The following DCAF17 variants were observed in gnomAD, a reference collection of about 807,000 sequenced individuals.
DCAF17 encodes the protein DDB1 and CUL4 associated factor 17, also known as DDB1- and CUL4-associated factor 17.
In DCAF17, 48 loss-of-function variants were observed where a neutral mutation model predicts 66.0. The observed-to-expected ratio is 0.73, with a 90% CI of 0.58 to 0.92. DCAF17 has a LOEUF of 0.92. DCAF17 is among the 40% of genes least tolerant of loss of function. DCAF17 has a pLI of 0.00. For synonymous variants in DCAF17, 206 were observed against 214.6 expected, an observed-to-expected ratio of 0.96 and a Z score of 0.35; for missense variants, 562 against 622.8, an observed-to-expected ratio of 0.90 and a Z score of 1.04.
chr2:171,445,937 C>T (rs1574333254), intron 3 of DCAF17, among the ~76,000 whole-genome samples: 1 of 151,938 alleles, frequency 6.6e-6, no homozygotes, highest in Non-Finnish European at 1.5e-5. Context: ...CCCGCCTTGG[C>T]CTCCCAAAGT....
intron 6 of DCAF17, among the ~76,000 whole-genome samples, chr2:171,457,208 C>G (rs995426164): frequency 2.6e-5 from 4 of 152,194 alleles, no homozygotes; most frequent in Admixed American, 6.5e-5. Context: ...TAATTGTTCT[C>G]TCTGTGCCTG....
intron 12 of DCAF17, among the ~76,000 whole-genome samples, chr2:171,479,469 T>A (rs999056141): frequency 6.6e-6 from 1 of 152,252 alleles, no homozygotes; most frequent in African/African-American, 2.4e-5. Flanking sequence ...GGGTTGGATT[T>A]CATTTCCTAA....
At chr2:171,448,177 G>T (rs138703610) in intron 3 of DCAF17, among the ~76,000 whole-genome samples, 2,636 of 152,190 alleles carry the variant, frequency 0.017, 36 homozygotes, top group Non-Finnish European at 0.028. Context: ...TGTCACCCAG[G>T]CTGGAGTGCA....
chr2:171,447,364 CTTTCTTTT>C (rs1479551198), intron 3 of DCAF17: 49 of 362,612 alleles, frequency 1.4e-4, no homozygotes, highest in African/African-American at 9.7e-4. Context: ...TACTTTCTTT[CTTTCTTTT>C]TTTCTTTTTT....
chr2:171,469,429 A>G (rs980706165), intron 9 of DCAF17, among the ~76,000 whole-genome samples: 19 of 152,214 alleles, frequency 1.2e-4, no homozygotes, highest in Non-Finnish European at 2.9e-5. Context: ...GAGCAGAACC[A>G]GATGGAACTC....
chr2:171,452,368 A>G (rs1559267950), intron 5 of DCAF17, among the ~76,000 whole-genome samples: 1 of 152,072 alleles, frequency 6.6e-6, no homozygotes, highest in African/African-American at 2.4e-5. Context: ...TAAGGAGGCT[A>G]TCCTTTTCAA....
chr2:171,448,921 AC>A, intron 4 of DCAF17, 104 bp downstream of exon 4: 1 of 1,024,770 alleles, frequency 9.8e-7, no homozygotes, highest in Non-Finnish European at 1.5e-6. Context: ...CTAATCCATT[AC>A]CAGATCTCAA....
chr2:171,484,681 C>A lies in DCAF17; in HGVS notation c.*3567C>A, dbSNP rs936359696. The A allele has an allele frequency of 2.2e-6, 1 of 453,806 alleles. No homozygotes were observed. The highest frequency in any genetic ancestry group is 1.6e-5 in the South Asian group (1 of 64,456). 28.1% of individuals were successfully genotyped at this position (453,806 alleles called of 1,614,324 possible). ...ACATATACACCTGTGTAACCCAAAC[C>A]CTTTCCAAAATTTAGACCATTGCAA... On this transcript the variant is annotated 3_prime_UTR_variant, in exon 14 of 14. Transcript: ENST00000375255.
Position 171,434,290 on chromosome 2 carries a change from C to T in DCAF17, c.-288C>T, listed in dbSNP as rs560219922. 103 of 583,240 alleles carry T rather than the reference C, an allele frequency of 1.8e-4. No individual in the cohort carries two copies. The highest frequency in any genetic ancestry group is 1.6e-3 in the African/African-American group (88 of 53,888). 36.1% of individuals were successfully genotyped at this position (583,240 alleles called of 1,614,324 possible). ...TTCCCGGTGAGAGAGCGGCTCCGGC[C>T]GGCCGCGCGGTACCGGAGCGTCGCA... On this transcript the variant is annotated 5_prime_UTR_variant, in exon 1 of 14. Coordinates refer to ENST00000375255, the MANE Select transcript of DCAF17 (RefSeq NM_025000.4).
At chr2:171,441,009 C>T (rs1157761363) in intron 2 of DCAF17, among the ~76,000 whole-genome samples, 1 of 152,174 alleles carries the variant, frequency 6.6e-6, no homozygotes, top group Non-Finnish European at 1.5e-5. Flanking sequence ...GTTCTAACCC[C>T]AAGAGGGCTC....
intron 13 of DCAF17, among the ~76,000 whole-genome samples, chr2:171,480,728 G>A (rs896821961): frequency 6.6e-6 from 1 of 152,086 alleles, no homozygotes; most frequent in Non-Finnish European, 1.5e-5. Flanking sequence ...AGCAGCGTTG[G>A]CAATAGAATC....
chr2:171,455,432 G>A (rs1487388195), intron 6 of DCAF17, among the ~76,000 whole-genome samples: 3 of 152,340 alleles, frequency 2.0e-5, no homozygotes, highest in African/African-American at 7.2e-5. Context: ...TTGGTTCCAT[G>A]TCTTTGCTCT....
intron 12 of DCAF17, among the ~76,000 whole-genome samples, chr2:171,479,056 A>G (rs1696626203): frequency 6.6e-6 from 1 of 152,258 alleles, no homozygotes; most frequent in Non-Finnish European, 1.5e-5. Flanking sequence ...CACAGACACC[A>G]AGGCAAGAAG....
chr2:171,477,856 T>A (rs1337232515), intron 11 of DCAF17, 131 bp from the exon 12 acceptor site: 2 of 744,334 alleles, frequency 2.7e-6, no homozygotes, highest in Non-Finnish European at 4.8e-6. Flanking sequence ...TTCAGAATTT[T>A]CTCAGTTGAG....
intron 10 of DCAF17, among the ~76,000 whole-genome samples, chr2:171,475,785 G>A (rs1158081972): frequency 6.6e-6 from 1 of 152,064 alleles, no homozygotes; most frequent in East Asian, 1.9e-4. Flanking sequence ...AAATAACAAA[G>A]GGAAGTGTCT....
chr2:171,443,661 G>C (rs369859810), intron 3 of DCAF17, 48 bp downstream of exon 3: 15 of 1,483,602 alleles, frequency 1.0e-5, no homozygotes, highest in Non-Finnish European at 1.4e-5. Context: ...TTTTAGCCTA[G>C]AAGAACCAGT....
Position 171,477,863 on chromosome 2 carries a change from T to C in DCAF17, c.1183-124T>C. 6.5e-6 allele frequency: 5 copies of C among 771,364 alleles called. No individual in the cohort carries two copies. The South Asian group carries it at 7.4e-5, about 11-fold the overall frequency. 47.8% of individuals were successfully genotyped at this position (771,364 alleles called of 1,614,324 possible). The stretch of plus-strand genomic sequence containing the variant: ...AAATCTGATTCAGAATTTTCTCAGT[T>C]GAGGAAAGAATTGTGGATGTGGGAG... On this transcript the variant is annotated intron_variant, in intron 11 of 13. Transcript: ENST00000375255.
intron 8 of DCAF17, among the ~76,000 whole-genome samples, chr2:171,463,834 G>A (rs546204414): frequency 6.6e-6 from 1 of 152,284 alleles, no homozygotes; most frequent in African/African-American, 2.4e-5. Context: ...TAACTCATCA[G>A]CTAGAGATAA....
At chr2:171,468,539 A>C (rs1696054875) in intron 8 of DCAF17, among the ~76,000 whole-genome samples, 1 of 152,220 alleles carries the variant, frequency 6.6e-6, no homozygotes, top group Admixed American at 6.5e-5. Flanking sequence ...GTCTTTACAT[A>C]GTAGATGTTC....
Sources: allele counts gnomAD v4.1 joint callset (sites outside exome capture counted in the v4.1 genomes callset), GRCh38; gene constraint gnomAD v4.1.1; transcripts MANE v1.5; gene names NCBI Gene and HGNC (gene_info 2026-07-23, HGNC 2026-07-21).